Variants in RGS6 observed in about 807,000 individuals in gnomAD.
RGS6 encodes the protein regulator of G-protein signaling 6.
Under a neutral mutation model 78.5 loss-of-function variants are expected in RGS6, and 30 were observed. That is an observed-to-expected ratio of 0.38 (90% CI 0.29 to 0.52). RGS6 has a LOEUF of 0.52. RGS6 is among the 20% of genes least tolerant of loss of function. The pLI, the probability that RGS6 is intolerant of heterozygous loss-of-function variation, is 0.85. For synonymous variants in RGS6, 206 were observed against 206.0 expected (o/e 1.00, Z 0.00); for missense variants, 495 against 609.7 (o/e 0.81, Z 1.98).
At chr14:72,091,969 C>T (rs1420046210) in intron 2 of RGS6, among the ~76,000 whole-genome samples, 2 of 152,100 alleles carry the variant, frequency 1.3e-5, no homozygotes, top group Non-Finnish European at 2.9e-5. Flanking sequence ...GAAAGACTTT[C>T]ACTAGGTTTA....
intron 2 of RGS6, among the ~76,000 whole-genome samples, chr14:71,977,486 G>A (rs1355004086): frequency 1.7e-4 from 25 of 145,078 alleles, no homozygotes; most frequent in Non-Finnish European, 3.2e-4. Flanking sequence ...CATATGGCTA[G>A]CCAGTTTTCC....
chr14:71,885,776 C>T, the RGS6 span, among the ~76,000 whole-genome samples: 1 of 148,516 alleles, frequency 6.7e-6, no homozygotes, highest in East Asian at 2.0e-4. Flanking sequence ...GCTGTCTCTA[C>T]TTTTAGAGAA....
At chr14:71,942,983 G>C (rs1412763543) in intron 1 of RGS6, among the ~76,000 whole-genome samples, 1 of 152,136 alleles carries the variant, frequency 6.6e-6, no homozygotes, top group Non-Finnish European at 1.5e-5. Context: ...GTCCATGGTA[G>C]AGTTCACTCA....
chr14:72,289,329 T>TTC (rs3831615), intron 2 of RGS6, among the ~76,000 whole-genome samples: 52 of 147,310 alleles, frequency 3.5e-4, no homozygotes, highest in South Asian at 3.5e-3. Context: ...TTTTCTTTCT[T>TTC]TCTCTCTCTC....
intron 8 of RGS6, among the ~76,000 whole-genome samples, chr14:72,472,043 T>C (rs2153319690): frequency 6.6e-6 from 1 of 151,916 alleles, no homozygotes; most frequent in East Asian, 1.9e-4. Context: ...AATCGCAGGG[T>C]GATTATGGGT....
At chr14:72,088,164 C>T (rs2095125228) in intron 2 of RGS6, among the ~76,000 whole-genome samples, 1 of 152,194 alleles carries the variant, frequency 6.6e-6, no homozygotes. Context: ...TTGCCAGTCA[C>T]CTGAGCTACC....
intron 4 of RGS6, 102 bp downstream of exon 4, chr14:72,454,680 G>C (rs2095584546): frequency 1.2e-6 from 1 of 828,170 alleles, no homozygotes; most frequent in Non-Finnish European, 1.9e-6. Flanking sequence ...AACTGGTCTT[G>C]TAAATGTGAA....
At chr14:72,363,513 G>A (rs2081902613) in intron 3 of RGS6, among the ~76,000 whole-genome samples, 1 of 152,200 alleles carries the variant, frequency 6.6e-6, no homozygotes, top group Non-Finnish European at 1.5e-5. Flanking sequence ...AGCAGGATCT[G>A]TTCCTCTGGG....
At chr14:72,623,416 A>C in the RGS6 span, among the ~76,000 whole-genome samples, 1 of 152,354 alleles carries the variant, frequency 6.6e-6, no homozygotes, top group East Asian at 1.9e-4. Flanking sequence ...ACTATAAAAC[A>C]ATTAATTTGA....
At chr14:72,619,279 A>T in the RGS6 span, 1 of 1,535,826 alleles carries the variant, frequency 6.5e-7, no homozygotes, top group Non-Finnish European at 8.7e-7. Flanking sequence ...AGCGAGTCAC[A>T]TTCTGTGACC....
chr14:72,041,161 G>A (rs1375756429), intron 2 of RGS6, among the ~76,000 whole-genome samples: 1 of 151,998 alleles, frequency 6.6e-6, no homozygotes, highest in Non-Finnish European at 1.5e-5. Context: ...GATTTTTGCT[G>A]GGATTTGGGC....
intron 2 of RGS6, among the ~76,000 whole-genome samples, chr14:72,220,611 AT>A (rs1364081549): frequency 6.6e-6 from 1 of 152,222 alleles, no homozygotes; most frequent in Non-Finnish European, 1.5e-5. Flanking sequence ...TCCGTATAGT[AT>A]TTTAAGAAAC....
chr14:72,580,917 T>G, the RGS6 span, among the ~76,000 whole-genome samples: 3 of 152,212 alleles, frequency 2.0e-5, no homozygotes, highest in Admixed American at 2.0e-4. Flanking sequence ...ATGAGCCACC[T>G]TCTCATATTG....
intron 17 of RGS6, 32 bp from the exon 18 acceptor site, chr14:72,562,385 G>A (rs1363994996): frequency 3.7e-6 from 6 of 1,603,946 alleles, no homozygotes; most frequent in Admixed American, 1.7e-5. Flanking sequence ...GTGTGCGCCT[G>A]TGCGTGCCTC....
the RGS6 span, among the ~76,000 whole-genome samples, chr14:71,874,740 T>G: frequency 2.0e-5 from 3 of 152,332 alleles, no homozygotes; most frequent in South Asian, 2.1e-4. Context: ...AGGGAATGCT[T>G]CCAGTTTTTG....
At chr14:71,971,677 G>A (rs917059040) in intron 2 of RGS6, among the ~76,000 whole-genome samples, 5 of 152,216 alleles carry the variant, frequency 3.3e-5, no homozygotes, top group Non-Finnish European at 7.3e-5. Context: ...CCAGCACAGT[G>A]TCTTTTTAAA....
At chr14:72,597,895 C>A in the RGS6 span, among the ~76,000 whole-genome samples, 1 of 152,128 alleles carries the variant, frequency 6.6e-6, no homozygotes, top group East Asian at 1.9e-4. Flanking sequence ...TGGAGGGAGC[C>A]GGCAGCTCTC....
the RGS6 span, among the ~76,000 whole-genome samples, chr14:72,581,161 T>TGC: frequency 6.6e-6 from 1 of 152,166 alleles, no homozygotes; most frequent in Admixed American, 6.5e-5. Flanking sequence ...TGAAGCCCCC[T>TGC]GCCCAGCTCC....
At chr14:72,040,932 T>A (rs1211223661) in intron 2 of RGS6, among the ~76,000 whole-genome samples, 1 of 152,122 alleles carries the variant, frequency 6.6e-6, no homozygotes. Context: ...TAAAATAGTT[T>A]CTATTTATAT....
Sources: allele counts gnomAD v4.1 joint callset (sites outside exome capture counted in the v4.1 genomes callset), GRCh38; gene constraint gnomAD v4.1.1; transcripts MANE v1.5; gene names NCBI Gene and HGNC (gene_info 2026-07-23, HGNC 2026-07-21).